The following UNC5C variants were observed in gnomAD, a reference collection of about 807,000 sequenced individuals.
The protein encoded by UNC5C is unc-5 netrin receptor C.
UNC5C carries 47 observed loss-of-function variants against 99.8 expected under a neutral mutation model. That is an observed-to-expected ratio of 0.47 (90% CI 0.37 to 0.60). UNC5C has a LOEUF of 0.60. UNC5C is among the 20% of genes least tolerant of loss of function. UNC5C has a pLI of 0.00. For missense variants in UNC5C, 1,062 were observed against 1,165.9 expected (o/e 0.91, Z 1.30); for synonymous variants, 487 against 452.2 (o/e 1.08, Z -0.98).
chr4:95,532,723 G>T (rs1168160731), intron 1 of UNC5C, among the ~76,000 whole-genome samples: 4 of 152,128 alleles, frequency 2.6e-5, no homozygotes, highest in Non-Finnish European at 5.9e-5. Flanking sequence ...AAGGTGGCTT[G>T]TGAGAAAACC....
Position 95,220,227 on chromosome 4 carries a change from A to G in UNC5C, c.1109-51T>C. 2.0e-6 allele frequency: 3 copies of G among 1,526,624 alleles called. No individual in the cohort carries two copies. In the South Asian group the frequency reaches 3.7e-5, roughly 19 times the overall value. 94.6% of individuals were successfully genotyped at this position (1,526,624 alleles called of 1,614,324 possible). A position where few individuals can be genotyped will look rare whatever the true frequency, so the allele number is the denominator to read the frequency against. On this transcript the variant is annotated intron_variant, in intron 7 of 15. Transcript: ENST00000453304. The stretch of plus-strand genomic sequence containing the variant: ...CCAGCTGCTTATAGAAATTTCCCAC[A>G]GTACACATATGTATTGCTATAATTT...
intron 1 of UNC5C, among the ~76,000 whole-genome samples, chr4:95,461,503 A>C: frequency 1.0e-5 from 1 of 97,530 alleles, no homozygotes; most frequent in Non-Finnish European, 2.0e-5. Context: ...AGAATCAAGT[A>C]TTTACACTAA....
intron 1 of UNC5C, among the ~76,000 whole-genome samples, chr4:95,369,501 G>A (rs1732504316): frequency 6.6e-6 from 1 of 152,118 alleles, no homozygotes. Context: ...GCAGTGAGCC[G>A]AGATTGCTTG....
chr4:95,511,035 G>A (rs1025578477), intron 1 of UNC5C, among the ~76,000 whole-genome samples: 1 of 152,242 alleles, frequency 6.6e-6, no homozygotes, highest in Middle Eastern at 3.4e-3. Context: ...ATACCCTGGG[G>A]ATATTGATTC....
intron 1 of UNC5C, among the ~76,000 whole-genome samples, chr4:95,492,397 A>G (rs1290022679): frequency 6.6e-6 from 1 of 151,370 alleles, no homozygotes; most frequent in Non-Finnish European, 1.5e-5. Context: ...TGTTAAAATT[A>G]ACATGGAATA....
chr4:95,455,643 T>C (rs923095025), intron 1 of UNC5C, among the ~76,000 whole-genome samples: 2 of 151,960 alleles, frequency 1.3e-5, no homozygotes, highest in Admixed American at 6.6e-5. Flanking sequence ...AATAAATAAA[T>C]ATATAAATAA....
intron 1 of UNC5C, among the ~76,000 whole-genome samples, chr4:95,437,660 A>T (rs1746832063): frequency 6.6e-6 from 1 of 152,054 alleles, no homozygotes; most frequent in Non-Finnish European, 1.5e-5. Flanking sequence ...TACAACTGTA[A>T]TTAGCTTTCT....
At chr4:95,384,747 G>A (rs1184155869) in intron 1 of UNC5C, among the ~76,000 whole-genome samples, 3 of 152,140 alleles carry the variant, frequency 2.0e-5, no homozygotes, top group Non-Finnish European at 2.9e-5. Flanking sequence ...GACAGAAAGC[G>A]GGTGAGTAGG....
chr4:95,178,301 G>C (rs1024548302), intron 14 of UNC5C, among the ~76,000 whole-genome samples: 1 of 152,148 alleles, frequency 6.6e-6, no homozygotes, highest in Non-Finnish European at 1.5e-5. Flanking sequence ...TCAAAGCCTG[G>C]TCCAAAAGTC....
chr4:95,489,530 C>T (rs1478600260), intron 1 of UNC5C, among the ~76,000 whole-genome samples: 1 of 151,750 alleles, frequency 6.6e-6, no homozygotes, highest in African/African-American at 2.4e-5. Flanking sequence ...CCCATCCTCA[C>T]TGTCTGGGGC....
intron 2 of UNC5C, among the ~76,000 whole-genome samples, chr4:95,313,170 A>G (rs1742333299): frequency 6.6e-6 from 1 of 152,162 alleles, no homozygotes; most frequent in Non-Finnish European, 1.5e-5. Flanking sequence ...ATGAAAATGC[A>G]TGGAGCACTC....
At chr4:95,451,111 G>C (rs1164943889) in intron 1 of UNC5C, among the ~76,000 whole-genome samples, 1 of 152,194 alleles carries the variant, frequency 6.6e-6, no homozygotes, top group African/African-American at 2.4e-5. Flanking sequence ...AGCATCACTA[G>C]TAGAGTGTTT....
intron 1 of UNC5C, among the ~76,000 whole-genome samples, chr4:95,511,320 TC>T (rs1722066344): frequency 6.6e-6 from 1 of 151,992 alleles, no homozygotes; most frequent in African/African-American, 2.4e-5. Context: ...CGGGTTAATA[TC>T]AGGATCAAAG....
intron 2 of UNC5C, among the ~76,000 whole-genome samples, chr4:95,313,295 T>A (rs1304243055): frequency 6.6e-6 from 1 of 152,112 alleles, no homozygotes; most frequent in Non-Finnish European, 1.5e-5. Context: ...TTTGGAGCAG[T>A]GAGATTGTGA....
chr4:95,213,328 A>G (rs897390569), intron 10 of UNC5C, among the ~76,000 whole-genome samples: 43 of 152,352 alleles, frequency 2.8e-4, no homozygotes, highest in African/African-American at 1.0e-3. Context: ...AAACAAGGCA[A>G]AAAGGCCCAT....
intron 1 of UNC5C, among the ~76,000 whole-genome samples, chr4:95,516,639 T>A (rs1722228558): frequency 6.6e-6 from 1 of 152,024 alleles, no homozygotes; most frequent in African/African-American, 2.4e-5. Context: ...GAGTAATGGA[T>A]TTGCAAAATC....
intron 1 of UNC5C, among the ~76,000 whole-genome samples, chr4:95,496,679 TTTTTTAA>T (rs1290707598): frequency 6.6e-6 from 1 of 151,040 alleles, no homozygotes; most frequent in Non-Finnish European, 1.5e-5. Flanking sequence ...ATATTTGTAC[TTTTTTAA>T]TTTTTATTTT....
chr4:95,393,860 TTTTAAAAAAAAACA>T (rs1745431662), intron 1 of UNC5C, among the ~76,000 whole-genome samples: 1 of 146,490 alleles, frequency 6.8e-6, no homozygotes, highest in Non-Finnish European at 1.5e-5. Flanking sequence ...GTTTTTTTTT[TTTTAAAAAAAAACA>T]GATTGCTATA....
At chr4:95,190,563 C>T (rs1336378050) in intron 12 of UNC5C, among the ~76,000 whole-genome samples, 1 of 152,126 alleles carries the variant, frequency 6.6e-6, no homozygotes, top group African/African-American at 2.4e-5. Context: ...AGTAAACTTC[C>T]CACTTCAGCT....
Sources: gnomAD v4.1 joint callset for allele counts (sites outside exome capture counted in the v4.1 genomes callset) on GRCh38, gnomAD v4.1.1 for gene constraint, MANE v1.5 for transcripts, NCBI Gene and HGNC (gene_info 2026-07-23, HGNC 2026-07-21) for gene names.